Variants in SLC28A3 observed in about 807,000 individuals in gnomAD.
The protein encoded by SLC28A3 is solute carrier family 28 member 3.
Under a neutral mutation model 84.2 loss-of-function variants are expected in SLC28A3, and 68 were observed. The observed-to-expected ratio is 0.81, with a 90% CI of 0.66 to 0.99. SLC28A3 has a LOEUF of 0.99. Among genes scored for constraint, SLC28A3 ranks in the 50% least tolerant of loss-of-function variants. The pLI, the probability that SLC28A3 is intolerant of heterozygous loss-of-function variation, is 0.00. For synonymous variants in SLC28A3, 267 were observed against 303.6 expected (o/e 0.88, Z 1.25); for missense variants, 712 against 841.5 (o/e 0.85, Z 1.90).
intron 1 of SLC28A3, among the ~76,000 whole-genome samples, chr9:84,318,959 G>T (rs148308069): frequency 6.6e-6 from 1 of 152,074 alleles, no homozygotes; most frequent in Non-Finnish European, 1.5e-5. Context: ...GATAAACGGA[G>T]AAATTATGAA....
At chr9:84,331,158 G>A (rs17343066) in intron 1 of SLC28A3, among the ~76,000 whole-genome samples, 62,296 of 152,030 alleles carry the variant, frequency 0.41, 14,875 homozygotes, top group Middle Eastern at 0.55. Flanking sequence ...GTGTGATCAT[G>A]CAAACTTGAG....
At chr9:84,302,522 G>T in intron 4 of SLC28A3, 133 bp from the exon 5 acceptor site, 1 of 811,132 alleles carries the variant, frequency 1.2e-6, no homozygotes, top group Non-Finnish European at 1.9e-6. Flanking sequence ...GAGTGCTCTT[G>T]ATATGGCTAC....
At chr9:84,360,157 A>G in the SLC28A3 span, among the ~76,000 whole-genome samples, 1 of 152,146 alleles carries the variant, frequency 6.6e-6, no homozygotes, top group Non-Finnish European at 1.5e-5. Flanking sequence ...GGTGACCCTT[A>G]AGGCATTTGT....
chr9:84,281,942 A>G (rs910577014), intron 14 of SLC28A3, among the ~76,000 whole-genome samples: 1 of 152,108 alleles, frequency 6.6e-6, no homozygotes. Flanking sequence ...CCTGGCCAAC[A>G]TGGTGAAACA....
intron 5 of SLC28A3, 36 bp from the exon 6 acceptor site, chr9:84,299,761 G>A (rs893674538): frequency 1.3e-6 from 2 of 1,547,292 alleles, no homozygotes; most frequent in Admixed American, 4.5e-5. Flanking sequence ...GGCATCATTT[G>A]TTGTGCTAAC....
At chr9:84,365,649 A>T in the SLC28A3 span, among the ~76,000 whole-genome samples, 3 of 152,118 alleles carry the variant, frequency 2.0e-5, no homozygotes, top group Non-Finnish European at 2.9e-5. Context: ...ATCCATTTTG[A>T]TTTATTTTTG....
chr9:84,355,635 C>T, the SLC28A3 span, among the ~76,000 whole-genome samples: 2 of 151,836 alleles, frequency 1.3e-5, no homozygotes, highest in Non-Finnish European at 2.9e-5. Flanking sequence ...ATCCTAATTC[C>T]CCTATTTCTA....
the SLC28A3 span, among the ~76,000 whole-genome samples, chr9:84,355,142 TCA>T: frequency 2.6e-5 from 4 of 152,206 alleles, no homozygotes; most frequent in East Asian, 5.8e-4. Flanking sequence ...GGAGCCAAAT[TCA>T]CAGTGTGCAG....
At chr9:84,334,894 T>C (rs1042695363) in intron 1 of SLC28A3, among the ~76,000 whole-genome samples, 8 of 152,142 alleles carry the variant, frequency 5.3e-5, no homozygotes, top group African/African-American at 1.9e-4. Context: ...GTCTTTTCTG[T>C]TGACTTGTGG....
chr9:84,295,405 C>T (rs963738558), intron 8 of SLC28A3, among the ~76,000 whole-genome samples: 12 of 151,758 alleles, frequency 7.9e-5, no homozygotes, highest in African/African-American at 2.9e-4. Context: ...GCCAACATGG[C>T]GAAACCCTGT....
chr9:84,293,434 G>GA (rs900690454), intron 9 of SLC28A3, among the ~76,000 whole-genome samples: 2 of 152,150 alleles, frequency 1.3e-5, no homozygotes, highest in Non-Finnish European at 2.9e-5. Flanking sequence ...CTGTCATTCT[G>GA]AACTCTGCTA....
At position 84,285,350 on chromosome 9, in the gene SLC28A3, T is replaced by TA; in HGVS notation, c.1641dup (p.Ile548TyrfsTer6). 6.2e-6 allele frequency: 10 copies of TA among 1,613,890 alleles called. No homozygotes were observed. Among genetic ancestry groups the TA allele is most frequent in the Non-Finnish European group, 8.5e-6 (10 of 1,179,806 alleles). ...AAATTAAAATATTTACTCACTGATA[T>TA]ATATTGCTGCACACCGTTTACAAAT... On this transcript the variant is annotated frameshift_variant, in exon 14 of 18. Transcript: ENST00000376238. LOFTEE classifies it high-confidence loss of function.
the SLC28A3 span, among the ~76,000 whole-genome samples, chr9:84,368,162 C>T: frequency 6.8e-3 from 1,042 of 152,186 alleles, 11 homozygotes; most frequent in African/African-American, 0.022. Flanking sequence ...CATCGTGTCC[C>T]TGGTTAATAA....
upstream of SLC28A3, among the ~76,000 whole-genome samples, chr9:84,342,145 GAAAAGA>G (rs1554732025): frequency 6.1e-4 from 79 of 128,468 alleles, no homozygotes; most frequent in East Asian, 1.6e-3. Context: ...AAAAAAAAAA[GAAAAGA>G]AAAAGAAAAA....
chr9:84,290,277 C>T lies in SLC28A3; in HGVS notation c.1026G>A (p.Thr342=), dbSNP rs149688878. The T allele has an allele frequency of 1.9e-5, 31 of 1,613,534 alleles. No homozygotes were observed. Among genetic ancestry groups the T allele is most frequent in the Admixed American group, 6.7e-5 (4 of 59,944 alleles). Residue 342 remains threonine (T), a splice_region_variant and synonymous_variant, in exon 11 of 18, where the codon ACG becomes ACA. Coordinates refer to ENST00000376238, the MANE Select transcript of SLC28A3 (RefSeq NM_001199633.2). ...ATGGTCGGACCAGCAGTGGAGACTC[C>T]GTCTGGAGACAAAGAAGGGTGACCA... is the stretch of plus-strand genomic sequence containing the variant. The part of the protein sequence containing the change: ...VASGNIFVGQ[T]ESPLLVRPYL...
At chr9:84,279,147 T>C in intron 17 of SLC28A3, 118 bp downstream of exon 17, 2 of 989,096 alleles carry the variant, frequency 2.0e-6, no homozygotes, top group East Asian at 3.2e-5. Context: ...CACTCCAGCC[T>C]GGGAGACAGA....
chr9:84,278,354 A>G lies in SLC28A3; in HGVS notation c.1950-10T>C. ...ACCCTTGGCAACAGTGCTGGTGGAA[A>G]GTGGAAAGAAACAGTTACATGAGCC... On this transcript the variant is annotated splice_polypyrimidine_tract_variant and intron_variant, in intron 17 of 17. Transcript: ENST00000376238. The G allele has an allele frequency of 6.2e-7, 1 of 1,613,754 alleles. No homozygotes were observed. The highest frequency in any genetic ancestry group is 1.1e-5 in the South Asian group (1 of 91,030).
rs146361291 is a variant in SLC28A3 at position 84,295,154 on chromosome 9, T to C, written c.862-879A>G. On this transcript the variant is annotated intron_variant, in intron 8 of 17. Transcript: ENST00000376238. ...ATGGTGCCCCCCCTACTGAAGTCAA[T>C]AGGGGTCTGTCATGACCTTATGCAG... Among the ~76,000 whole-genome samples, 63 of 152,254 alleles carry C rather than the reference T, an allele frequency of 4.1e-4. 1 individual carries two copies. Among genetic ancestry groups the C allele is most frequent in the South Asian group, 2.5e-3 (12 of 4,828 alleles).
At position 84,313,419 on chromosome 9, in the gene SLC28A3, T is replaced by C. The variant is rs11568421; in HGVS notation, c.96A>G (p.Ser32=). 836 of 1,614,136 alleles carry C rather than the reference T, an allele frequency of 5.2e-4. 4 individuals carry two copies. In the African/African-American group the frequency reaches 0.01, roughly 20 times the overall value. ...CTCTGCTTCTTATTGAGTTGTTTCC[T>C]GATGTGTTCTCGTTCTCAAGAAAGT... The part of the protein sequence containing the change: ...EENFLENENT[S]GNNSIRSRAV... Residue 32 remains serine, a synonymous_variant, in exon 2 of 18, where the codon TCA becomes TCG. Coordinates refer to ENST00000376238, the MANE Select transcript of SLC28A3 (RefSeq NM_001199633.2).
Sources: gnomAD v4.1 joint callset for allele counts (sites outside exome capture counted in the v4.1 genomes callset) on GRCh38, gnomAD v4.1.1 for gene constraint, MANE v1.5 for transcripts, NCBI Gene and HGNC (gene_info 2026-07-23, HGNC 2026-07-21) for gene names.